The following BSN variants were observed in gnomAD, a reference collection of about 807,000 sequenced individuals.
BSN encodes bassoon presynaptic cytomatrix protein.
In BSN, 57 loss-of-function variants were observed where a neutral mutation model predicts 264.8. That is an observed-to-expected ratio of 0.22 (90% CI 0.17 to 0.27). BSN has a LOEUF of 0.27. Among genes scored for constraint, BSN ranks in the 10% least tolerant of loss-of-function variants. BSN has a pLI of 1.00. For synonymous variants in BSN, 2,059 were observed against 2,137.3 expected, an observed-to-expected ratio of 0.96 and a Z score of 1.01; for missense variants, 4,615 against 5,232.5, an observed-to-expected ratio of 0.88 and a Z score of 3.64.
intron 1 of BSN, among the ~76,000 whole-genome samples, chr3:49,581,290 A>AT (rs965819029): frequency 6.6e-5 from 10 of 152,118 alleles, no homozygotes; most frequent in African/African-American, 2.4e-4. Flanking sequence ...TGGCCTATCC[A>AT]TTTATTGATG....
rs145988543 is a variant in BSN at position 49,571,479 on chromosome 3, G to A, written c.224+16653G>A. Reference sequence around the variant, plus strand: ...AGACTGGGGTTGGGGAGACGGGGGTGGGCAGCTTCAAGTAGCTTTGGGGTA... The same window carrying A: ...AGACTGGGGTTGGGGAGACGGGGGTAGGCAGCTTCAAGTAGCTTTGGGGTA... On this transcript the variant is annotated intron_variant, in intron 1 of 11. Transcript: ENST00000296452. 1.4e-3 allele frequency among the ~76,000 whole-genome samples: 206 copies of A among 152,228 alleles called. 2 individuals carry two copies. The highest frequency in any genetic ancestry group is 8.1e-3 in the Admixed American group (124 of 15,306).
At chr3:49,630,306 C>T (rs1019496406) in intron 2 of BSN, among the ~76,000 whole-genome samples, 1 of 152,230 alleles carries the variant, frequency 6.6e-6, no homozygotes, top group South Asian at 2.1e-4. Flanking sequence ...CAATGCTCAC[C>T]TCCAAACAAA....
At chr3:49,561,815 C>CT (rs142119297) in intron 1 of BSN, among the ~76,000 whole-genome samples, 52 of 148,290 alleles carry the variant, frequency 3.5e-4, no homozygotes, top group Non-Finnish European at 5.2e-4. Flanking sequence ...TTTTTCTTTT[C>CT]TTTTTTTTTT....
intron 1 of BSN, among the ~76,000 whole-genome samples, chr3:49,586,495 C>T (rs2108020111): frequency 6.6e-6 from 1 of 152,278 alleles, no homozygotes; most frequent in Admixed American, 6.5e-5. Context: ...ACTACAGGCA[C>T]ACACCAGCCA....
At chr3:49,601,914 CTA>C (rs1388426321) in intron 1 of BSN, among the ~76,000 whole-genome samples, 1 of 152,204 alleles carries the variant, frequency 6.6e-6, no homozygotes, top group Non-Finnish European at 1.5e-5. Flanking sequence ...CAGTTCTGTT[CTA>C]TGACTGAGCT....
chr3:49,648,718 G>T (rs1359597824), intron 3 of BSN, among the ~76,000 whole-genome samples: 1 of 152,262 alleles, frequency 6.6e-6, no homozygotes, highest in African/African-American at 2.4e-5. Context: ...CCAGTGGCCA[G>T]CACTTACTGC....
chr3:49,657,674 G>A lies in BSN; in HGVS notation c.8118G>A (p.Ala2706=), dbSNP rs372697609. 3.8e-6 allele frequency: 6 copies of A among 1,569,654 alleles called. No homozygotes were observed. The highest frequency in any genetic ancestry group is 3.6e-5 in the South Asian group (3 of 84,206). ...PKVEIVRYIS[A]PEKTGRGESL... ...TGGAGATCGTCAGGTACATATCGGC[G>A]CCAGAGAAGACTGGGCGTGGGGAGA... Residue 2706 remains alanine (A), a synonymous_variant, in exon 5 of 12, where the codon GCG becomes GCA. Coordinates refer to ENST00000296452, the MANE Select transcript of BSN (RefSeq NM_003458.4).
rs752070214 is a variant in BSN, at chr3:49,662,421, G to T, written c.10576G>T (p.Asp3526Tyr). 8 of 1,613,508 alleles carry T rather than the reference G, an allele frequency of 5.0e-6. No individual in the cohort carries two copies. Among genetic ancestry groups the T allele is most frequent in the Admixed American group, 3.3e-5 (2 of 60,026 alleles). Residue 3526 changes from aspartate to tyrosine, a missense_variant, in exon 6 of 12, where the codon GAT becomes TAT. Asp to Tyr is a radical substitution (Grantham distance 160). Coordinates refer to ENST00000296452, the MANE Select transcript of BSN (RefSeq NM_003458.4). ...CGGAGGGCCCCTCCCTCCCGGCGGG[G>T]ATACCTGCCCACAGTTCTGCTCCAG... The part of the protein sequence containing the change: ...PAGGPLPPGG[D>Y]TCPQFCSSHS...
At chr3:49,622,225 A>G (rs191585665) in intron 1 of BSN, among the ~76,000 whole-genome samples, 82 of 152,186 alleles carry the variant, frequency 5.4e-4, no homozygotes, top group African/African-American at 1.8e-3. Flanking sequence ...AGTGGCAGTT[A>G]AGAGACAAAA....
Position 49,561,792 on chromosome 3 carries a change from T to C in BSN, c.224+6966T>C, listed in dbSNP as rs2051713304. ...GTCACCGTGTTGTACAGTAGATCTC[T>C]TGTTGTTGTTATTTTTTCTTTTCTT... On this transcript the variant is annotated intron_variant, in intron 1 of 11. Transcript: ENST00000296452. 2.0e-5 allele frequency among the ~76,000 whole-genome samples: 3 copies of C among 152,168 alleles called. No homozygotes were observed. In the South Asian group the frequency reaches 6.2e-4, roughly 32 times the overall value.
intron 2 of BSN, among the ~76,000 whole-genome samples, chr3:49,636,733 G>T (rs1157652887): frequency 6.6e-6 from 1 of 152,242 alleles, no homozygotes; most frequent in East Asian, 1.9e-4. Context: ...CTCTGGATCA[G>T]TGTGACCCTG....
chr3:49,655,959 C>T lies in BSN; in HGVS notation c.6403C>T (p.Leu2135Phe), dbSNP rs1447175251. 2 of 1,610,340 alleles carry T rather than the reference C, an allele frequency of 1.2e-6. No individual in the cohort carries two copies. Among genetic ancestry groups the T allele is most frequent in the Non-Finnish European group, 1.7e-6 (2 of 1,179,690 alleles). Reference protein sequence around the residue: ...VQYQPQHGPGLSAPQSLVPLR... With the variant: ...VQYQPQHGPGFSAPQSLVPLR... ...GTACCAGCCCCAGCACGGGCCCGGGCTCAGTGCTCCACAGAGTCTGGTTCC... is the reference window on the plus strand; with the variant it reads ...GTACCAGCCCCAGCACGGGCCCGGGTTCAGTGCTCCACAGAGTCTGGTTCC... The change falls in exon 5 of 12, where the codon CTC becomes TTC. Residue 2135 changes from leucine (L) to phenylalanine (F), a missense_variant. Physicochemically the swap from Leu to Phe is conservative, Grantham distance 22. This residue lies in a region of BSN where 3,415 missense variants were observed against 3,866.4 expected (regional missense o/e 0.88). Transcript: ENST00000296452.
Position 49,652,025 on chromosome 3 carries a change from G to C in BSN, c.2469G>C (p.Leu823=). 1 of 1,611,832 alleles carries C rather than the reference G, an allele frequency of 6.2e-7. No homozygotes were observed. The highest frequency in any genetic ancestry group is 8.5e-7 in the Non-Finnish European group (1 of 1,178,448). The change falls in exon 5 of 12, where the codon CTG becomes CTC. Residue 823 remains leucine (L), a synonymous_variant. Coordinates refer to ENST00000296452, the MANE Select transcript of BSN (RefSeq NM_003458.4). ...DYVEDSSEGG[L]SPLPPQPPAR... The stretch of plus-strand genomic sequence containing the variant: ...TGGAGGACAGCAGTGAGGGTGGCCT[G>C]TCCCCTCTTCCACCCCAGCCCCCAG...
intron 1 of BSN, among the ~76,000 whole-genome samples, chr3:49,573,018 C>T (rs1457942861): frequency 6.6e-6 from 1 of 152,210 alleles, no homozygotes; most frequent in Non-Finnish European, 1.5e-5. Flanking sequence ...TTCTCCACTC[C>T]GTCTTTCCTA....
At chr3:49,563,668 T>C (rs2051732344) in intron 1 of BSN, among the ~76,000 whole-genome samples, 1 of 152,228 alleles carries the variant, frequency 6.6e-6, no homozygotes, top group Non-Finnish European at 1.5e-5. Flanking sequence ...GGCTGCTTCC[T>C]TCCGAAGTGT....
In BSN at chr3:49,652,027, C is replaced by A. The variant is rs781038303; in HGVS notation, c.2471C>A (p.Ser824Tyr). The change falls in exon 5 of 12, where the codon TCC (serine) becomes TAC (tyrosine). Residue 824 changes from serine (S) to tyrosine (Y), a missense_variant. By Grantham distance (144) the Ser-to-Tyr change is moderately radical. This residue lies in a region of BSN where 1,197 missense variants were observed against 1,348.0 expected (regional missense o/e 0.89). Coordinates refer to ENST00000296452, the MANE Select transcript of BSN (RefSeq NM_003458.4). The stretch of plus-strand genomic sequence containing the variant: ...GAGGACAGCAGTGAGGGTGGCCTGT[C>A]CCCTCTTCCACCCCAGCCCCCAGCC... Reference protein sequence around the residue: ...YVEDSSEGGLSPLPPQPPARA... With the variant: ...YVEDSSEGGLYPLPPQPPARA... 1 of 1,611,716 alleles carries A rather than the reference C, an allele frequency of 6.2e-7. No individual in the cohort carries two copies. Among genetic ancestry groups the A allele is most frequent in the Non-Finnish European group, 8.5e-7 (1 of 1,178,358 alleles).
intron 1 of BSN, among the ~76,000 whole-genome samples, chr3:49,609,675 CTGG>C (rs1234099289): frequency 6.6e-6 from 1 of 152,148 alleles, no homozygotes; most frequent in African/African-American, 2.4e-5. Flanking sequence ...CACAATATAA[CTGG>C]TATGAGCGTT....
chr3:49,617,186 G>A (rs549389936), intron 1 of BSN, among the ~76,000 whole-genome samples: 4 of 151,898 alleles, frequency 2.6e-5, no homozygotes, highest in Non-Finnish European at 4.4e-5. Flanking sequence ...GTTAATAGGT[G>A]TAGCAAACCA....
intron 1 of BSN, among the ~76,000 whole-genome samples, chr3:49,624,639 A>G (rs1185472039): frequency 6.6e-6 from 1 of 152,156 alleles, no homozygotes; most frequent in Admixed American, 6.5e-5. Context: ...GAATCTTGGT[A>G]TTCAAAGCAT....
Sources: allele counts gnomAD v4.1 joint callset (sites outside exome capture counted in the v4.1 genomes callset), GRCh38; gene constraint gnomAD v4.1.1; regional missense constraint gnomAD v4.1.1; transcripts MANE v1.5; gene names NCBI Gene and HGNC (gene_info 2026-07-23, HGNC 2026-07-21).